The following ITGA8 variants were observed in gnomAD, a reference collection of about 807,000 sequenced individuals.
ITGA8 encodes integrin subunit alpha 8, also known as integrin alpha-8.
In ITGA8, 91 loss-of-function variants were observed where a neutral mutation model predicts 142.3. The ratio of observed to expected loss-of-function variants is 0.64; its 90% CI spans 0.54 to 0.76. ITGA8 has a LOEUF of 0.76. Among genes scored for constraint, ITGA8 ranks in the 30% least tolerant of loss-of-function variants. The pLI, the probability that ITGA8 is intolerant of heterozygous loss-of-function variation, is 0.00. For synonymous variants in ITGA8, 505 were observed against 485.2 expected (o/e 1.04, Z -0.54); for missense variants, 1,406 against 1,327.7 (o/e 1.06, Z -0.92).
chr10:15,694,988 C>T (rs1051867062), intron 2 of ITGA8, among the ~76,000 whole-genome samples: 22 of 151,914 alleles, frequency 1.4e-4, no homozygotes, highest in African/African-American at 5.3e-4. Flanking sequence ...GAGCAGACTT[C>T]AGTGAGGAAG....
At chr10:15,711,377 G>A (rs917529317) in intron 2 of ITGA8, among the ~76,000 whole-genome samples, 3 of 152,056 alleles carry the variant, frequency 2.0e-5, no homozygotes, top group African/African-American at 4.8e-5. Flanking sequence ...TAGCCTAAGA[G>A]CTTATTGACC....
At chr10:15,600,695 T>C (rs1257656236) in intron 20 of ITGA8, among the ~76,000 whole-genome samples, 1 of 152,168 alleles carries the variant, frequency 6.6e-6, no homozygotes. Flanking sequence ...TTTAGAAAGA[T>C]GGATTTTTTT....
chr10:15,561,521 AG>A (rs1209107078), intron 25 of ITGA8, among the ~76,000 whole-genome samples: 1 of 152,156 alleles, frequency 6.6e-6, no homozygotes, highest in African/African-American at 2.4e-5. Flanking sequence ...AAGGGGAAAG[AG>A]GTCCGTTCTT....
chr10:15,603,128 T>C (rs1833132505), intron 20 of ITGA8, among the ~76,000 whole-genome samples: 1 of 123,792 alleles, frequency 8.1e-6, no homozygotes. Context: ...GATTTTTTAA[T>C]TTTTTGTTTT....
intron 23 of ITGA8, among the ~76,000 whole-genome samples, chr10:15,586,149 C>T (rs1427183038): frequency 6.7e-6 from 1 of 148,952 alleles, no homozygotes; most frequent in African/African-American, 2.5e-5. Flanking sequence ...ACCTCTGCCT[C>T]CCGGGTTCAA....
intron 6 of ITGA8, 51 bp from the exon 7 acceptor site, chr10:15,672,800 C>T (rs367911258): frequency 3.6e-5 from 54 of 1,498,028 alleles, no homozygotes; most frequent in Admixed American, 2.9e-4. Flanking sequence ...AGAGGCAGGC[C>T]CTCCATGAGC....
intron 10 of ITGA8, among the ~76,000 whole-genome samples, chr10:15,658,672 G>T (rs145284211): frequency 2.8e-3 from 430 of 152,164 alleles, no homozygotes; most frequent in Non-Finnish European, 4.4e-3. Context: ...CCATCCAAAG[G>T]CTTCCTTGCC....
chr10:15,661,751 G>C (rs980848310), intron 8 of ITGA8, among the ~76,000 whole-genome samples: 8 of 152,168 alleles, frequency 5.3e-5, no homozygotes, highest in Admixed American at 3.9e-4. Flanking sequence ...CCTTGGACAG[G>C]GACGTGGATG....
chr10:15,584,243 G>A (rs1420594652), intron 23 of ITGA8, among the ~76,000 whole-genome samples: 1 of 152,214 alleles, frequency 6.6e-6, no homozygotes, highest in African/African-American at 2.4e-5. Context: ...GTTGCAGTGA[G>A]CTGAGATCAT....
chr10:15,580,030 G>A (rs1834376516), intron 23 of ITGA8, among the ~76,000 whole-genome samples: 2 of 120,874 alleles, frequency 1.7e-5, no homozygotes, highest in East Asian at 2.5e-4. Context: ...AAATAGAAAA[G>A]AAAGAAAAAA....
chr10:15,597,924 G>GCTA (rs2131601863), intron 20 of ITGA8, among the ~76,000 whole-genome samples: 1 of 152,224 alleles, frequency 6.6e-6, no homozygotes, highest in South Asian at 2.1e-4. Context: ...GGTTCTTGAA[G>GCTA]CTATATACTG....
intron 20 of ITGA8, among the ~76,000 whole-genome samples, chr10:15,602,165 T>C (rs1833114870): frequency 1.3e-5 from 2 of 152,192 alleles, no homozygotes; most frequent in South Asian, 2.1e-4. Flanking sequence ...AAGAAGGGAA[T>C]TGAAATAAAA....
chr10:15,517,327 T>A, intron 29 of ITGA8, 83 bp from the exon 30 acceptor site: 1 of 950,092 alleles, frequency 1.1e-6, no homozygotes, highest in Non-Finnish European at 1.6e-6. Context: ...TCACTTTATG[T>A]ATTTTTTTTT....
chr10:15,565,006 A>T (rs1188586780), intron 25 of ITGA8, among the ~76,000 whole-genome samples: 1 of 152,018 alleles, frequency 6.6e-6, no homozygotes, highest in East Asian at 1.9e-4. Context: ...GAATCTACTC[A>T]CTCCACTGGT....
At chr10:15,687,019 T>G (rs1419483732) in intron 3 of ITGA8, among the ~76,000 whole-genome samples, 1 of 152,164 alleles carries the variant, frequency 6.6e-6, no homozygotes, top group African/African-American at 2.4e-5. Context: ...CCTTAAAAAG[T>G]TCTTACAAAT....
chr10:15,584,628 C>T (rs1469191103), intron 23 of ITGA8, among the ~76,000 whole-genome samples: 1 of 152,170 alleles, frequency 6.6e-6, no homozygotes, highest in African/African-American at 2.4e-5. Context: ...TCCTGAATTT[C>T]CACTTCTAAG....
At chr10:15,565,356 C>G (rs946210651) in intron 25 of ITGA8, among the ~76,000 whole-genome samples, 9 of 150,000 alleles carry the variant, frequency 6.0e-5, no homozygotes, top group African/African-American at 2.2e-4. Context: ...CAGCTAAGTT[C>G]TTTTTTGTTT....
chr10:15,666,698 T>C (rs929325005), intron 8 of ITGA8, among the ~76,000 whole-genome samples: 28 of 152,204 alleles, frequency 1.8e-4, no homozygotes, highest in Non-Finnish European at 4.0e-4. Context: ...GTCCCATCAA[T>C]ACCTAATTTA....
At chr10:15,631,278 G>T (rs1279593744) in intron 13 of ITGA8, among the ~76,000 whole-genome samples, 4 of 151,934 alleles carry the variant, frequency 2.6e-5, no homozygotes, top group Non-Finnish European at 5.9e-5. Flanking sequence ...TATGTTTATT[G>T]CAGCACTATT....
Sources: allele counts gnomAD v4.1 joint callset (sites outside exome capture counted in the v4.1 genomes callset), GRCh38; gene constraint gnomAD v4.1.1; transcripts MANE v1.5; gene names NCBI Gene and HGNC (gene_info 2026-07-23, HGNC 2026-07-21).